The following COG5 variants were observed in gnomAD, a reference collection of about 807,000 sequenced individuals.
The protein encoded by COG5 is conserved oligomeric Golgi complex subunit 5.
A neutral mutation model predicts 110.4 loss-of-function variants in COG5; 86 were observed. The observed-to-expected ratio is 0.78, with a 90% CI of 0.65 to 0.93. The LOEUF is 0.93. Among genes scored for constraint, COG5 ranks in the 40% least tolerant of loss-of-function variants. COG5 has a pLI of 0.00. For synonymous variants in COG5, 360 were observed against 334.6 expected (o/e 1.08, Z -0.83); for missense variants, 1,077 against 987.0 (o/e 1.09, Z -1.22).
At chr7:107,549,379 A>G (rs1171797124) in intron 3 of COG5, 3 of 151,990 alleles carry the variant, frequency 2.0e-5, no homozygotes, top group Non-Finnish European at 4.4e-5. Flanking sequence ...CTCCCTTTCT[A>G]AAACATTTTT....
intron 7 of COG5, among the ~76,000 whole-genome samples, chr7:107,396,218 T>C (rs980588372): frequency 6.6e-6 from 1 of 152,146 alleles, no homozygotes; most frequent in Non-Finnish European, 1.5e-5. Context: ...TCACATTAAA[T>C]ACCATAATTT....
chr7:107,241,547 G>T (rs1801634544), intron 17 of COG5, among the ~76,000 whole-genome samples: 1 of 151,664 alleles, frequency 6.6e-6, no homozygotes, highest in African/African-American at 2.4e-5. Flanking sequence ...CCGCCTCCGG[G>T]GTTCACGCCT....
intron 7 of COG5, among the ~76,000 whole-genome samples, chr7:107,405,361 C>A (rs187126548): frequency 1.3e-5 from 2 of 152,296 alleles, no homozygotes; most frequent in African/African-American, 4.8e-5. Flanking sequence ...AGCTGGATGA[C>A]ACCTCTGTCT....
intron 6 of COG5, among the ~76,000 whole-genome samples, chr7:107,434,749 T>C (rs1794251173): frequency 6.6e-6 from 1 of 152,054 alleles, no homozygotes; most frequent in African/African-American, 2.4e-5. Flanking sequence ...GGTGGGCGGA[T>C]CACTAGGTCA....
In COG5 at chr7:107,236,301, CT is replaced by C. The variant is rs200299037; in HGVS notation, c.2091+148del. The stretch of plus-strand genomic sequence containing the variant: ...GTATAAAAGTATCTTTAAACTCTCC[CT>C]TTTTTTTTTTAACTATTTATGCTTA... On this transcript the variant is annotated intron_variant, in intron 18 of 21. Transcript: ENST00000297135. The C allele has an allele frequency of 0.041, 21,235 of 520,964 alleles. 68 individuals carry two copies. Among genetic ancestry groups the C allele is most frequent in the South Asian group, 0.059 (2,299 of 39,298 alleles). The allele number at this position is 520,964 out of a possible 1,614,324, so 32.3% of individuals were successfully genotyped here. A position where few individuals can be genotyped will look rare whatever the true frequency, so the allele number is the denominator to read the frequency against.
At chr7:107,295,054 CACACACACACACATATAT>C (rs1441687029) in intron 12 of COG5, among the ~76,000 whole-genome samples, 39 of 59,248 alleles carry the variant, frequency 6.6e-4, no homozygotes, top group African/African-American at 5.0e-3. Flanking sequence ...CACACACACA[CACACACACACACATATAT>C]ATATATATAT....
intron 13 of COG5, among the ~76,000 whole-genome samples, chr7:107,283,203 G>A (rs997870734): frequency 1.3e-5 from 2 of 151,876 alleles, no homozygotes; most frequent in African/African-American, 4.8e-5. Flanking sequence ...TGGAGTTTAG[G>A]ATAAAAAAAA....
At chr7:107,517,616 A>G (rs1436179223) in intron 6 of COG5, among the ~76,000 whole-genome samples, 2 of 152,228 alleles carry the variant, frequency 1.3e-5, no homozygotes, top group Admixed American at 6.5e-5. Flanking sequence ...GTCACCTAGA[A>G]AAGGGAAGCC....
chr7:107,507,087 C>A (rs1028506809), intron 6 of COG5, among the ~76,000 whole-genome samples: 1 of 152,074 alleles, frequency 6.6e-6, no homozygotes, highest in Non-Finnish European at 1.5e-5. Context: ...AAGGTCTTCC[C>A]CTGTGGGTTG....
At chr7:107,351,450 T>C (rs971892789) in intron 10 of COG5, among the ~76,000 whole-genome samples, 13 of 152,070 alleles carry the variant, frequency 8.5e-5, no homozygotes, top group East Asian at 7.7e-4. Context: ...AAAGCCAAAA[T>C]TGACAAATGG....
chr7:107,233,314 G>C (rs1349680695), intron 18 of COG5, among the ~76,000 whole-genome samples: 1 of 152,182 alleles, frequency 6.6e-6, no homozygotes, highest in Non-Finnish European at 1.5e-5. Flanking sequence ...CAGAACTGCT[G>C]TGTGATCAGT....
At chr7:107,245,997 G>A (rs1046535935) in intron 17 of COG5, among the ~76,000 whole-genome samples, 3 of 152,056 alleles carry the variant, frequency 2.0e-5, no homozygotes, top group Non-Finnish European at 4.4e-5. Flanking sequence ...AAACAGAATG[G>A]TACTGGTACA....
rs1163845925 is a variant in COG5 at position 107,474,090 on chromosome 7, C to T, written c.538+53147G>A. The T allele has an allele frequency of 6.3e-7, 1 of 1,578,930 alleles. No homozygotes were observed. Among genetic ancestry groups the T allele is most frequent in the Non-Finnish European group, 8.6e-7 (1 of 1,160,618 alleles). On this transcript the variant is annotated intron_variant, in intron 6 of 21. Transcript: ENST00000297135. The surrounding 1 kb of genome is among the most constrained non-coding windows in gnomAD (Gnocchi z 5.7). ...GTTTTTCTCCCATTCTGGAAATCAA[C>T]ATGCAGTCTGAATCTAACATTACAG...
chr7:107,365,175 A>G (rs940442950), intron 8 of COG5, among the ~76,000 whole-genome samples: 5 of 152,168 alleles, frequency 3.3e-5, no homozygotes, highest in African/African-American at 1.2e-4. Flanking sequence ...AATAGACTCA[A>G]GAAACAAAAT....
intron 6 of COG5, among the ~76,000 whole-genome samples, chr7:107,503,812 G>A (rs562789947): frequency 6.6e-6 from 1 of 152,224 alleles, no homozygotes; most frequent in Non-Finnish European, 1.5e-5. Flanking sequence ...TTGGTGTGTA[G>A]CAGTGCTACT....
rs1441567646 is a variant in COG5, at chr7:107,425,804, A to G, written c.539-13172T>C. Among the ~76,000 whole-genome samples the G allele has an allele frequency of 3.3e-5, 5 of 152,186 alleles. No homozygotes were observed. In the East Asian group the frequency reaches 9.6e-4, roughly 29 times the overall value. The stretch of plus-strand genomic sequence containing the variant: ...ATGCTTACTATGTGTTATGGGTTGA[A>G]CTGTGTCTCCCTAAAATTCATATGT... On this transcript the variant is annotated intron_variant, in intron 6 of 21. Transcript: ENST00000297135.
At chr7:107,395,608 A>T (rs1469497613) in intron 7 of COG5, among the ~76,000 whole-genome samples, 2 of 127,938 alleles carry the variant, frequency 1.6e-5, no homozygotes, top group Non-Finnish European at 3.1e-5. Flanking sequence ...AGGCTGGAGT[A>T]CAGTGGCAAG....
intron 10 of COG5, among the ~76,000 whole-genome samples, chr7:107,348,749 C>G (rs1368603060): frequency 6.6e-6 from 1 of 152,114 alleles, no homozygotes; most frequent in Non-Finnish European, 1.5e-5. Flanking sequence ...TCTGAACCAT[C>G]TGAAAGTAAG....
chr7:107,503,522 TC>T (rs755755294), intron 6 of COG5, among the ~76,000 whole-genome samples: 95 of 152,164 alleles, frequency 6.2e-4, no homozygotes, highest in South Asian at 1.0e-3. Context: ...GGATTTTTTT[TC>T]CCATTCGGTG....
Sources: gnomAD v4.1 joint callset for allele counts (sites outside exome capture counted in the v4.1 genomes callset) on GRCh38, gnomAD v4.1.1 for gene constraint, Gnocchi (gnomAD v3.1) non-coding constraint, MANE v1.5 for transcripts, NCBI Gene and HGNC (gene_info 2026-07-23, HGNC 2026-07-21) for gene names.